Variants in PACRGL observed in about 807,000 individuals in gnomAD.
PACRGL encodes PACRG-like protein.
In PACRGL, 38 loss-of-function variants were observed where a neutral mutation model predicts 34.5. The observed-to-expected ratio is 1.10, with a 90% CI of 0.85 to 1.44. The LOEUF is 1.44. PACRGL is among the 40% of genes most tolerant of loss of function. The pLI is 0.00. For missense variants in PACRGL, 305 were observed against 281.4 expected (o/e 1.08, Z -0.60); for synonymous variants, 128 against 100.1 (o/e 1.28, Z -1.66).
the PACRGL span, among the ~76,000 whole-genome samples, chr4:20,759,935 A>C: frequency 2.0e-5 from 3 of 152,184 alleles, no homozygotes; most frequent in Non-Finnish European, 4.4e-5. Flanking sequence ...ATCCATGCAC[A>C]TTCAAGTCCC....
chr4:20,760,975 T>C, the PACRGL span, among the ~76,000 whole-genome samples: 2 of 152,196 alleles, frequency 1.3e-5, no homozygotes, highest in African/African-American at 2.4e-5. Context: ...ATTTATTACA[T>C]TGATGCAAAA....
chr4:20,744,468 G>C (rs1182466225), intron 8 of PACRGL, among the ~76,000 whole-genome samples: 1 of 151,294 alleles, frequency 6.6e-6, no homozygotes, highest in Non-Finnish European at 1.5e-5. Context: ...TCCTTTGTAG[G>C]GACATGGATG....
the PACRGL span, among the ~76,000 whole-genome samples, chr4:20,766,069 T>G: frequency 6.6e-6 from 1 of 152,212 alleles, no homozygotes; most frequent in South Asian, 2.1e-4. Context: ...CTGATGATAT[T>G]AAGCTAATAC....
chr4:20,710,229 T>C (rs1365244504), intron 5 of PACRGL, among the ~76,000 whole-genome samples: 2 of 152,190 alleles, frequency 1.3e-5, no homozygotes, highest in Non-Finnish European at 2.9e-5. Flanking sequence ...ACTCCAGCTC[T>C]TTGCTTGTAC....
Position 20,731,455 on chromosome 4 carries a change from G to T in PACRGL, c.*4114G>T. The T allele has an allele frequency of 1.0e-6, 1 of 985,208 alleles. No homozygotes were observed. Among genetic ancestry groups the T allele is most frequent in the Non-Finnish European group, 1.2e-6 (1 of 829,784 alleles). 61.0% of individuals were successfully genotyped at this position (985,208 alleles called of 1,614,324 possible). A position where few individuals can be genotyped will look rare whatever the true frequency, so the allele number is the denominator to read the frequency against. On this transcript the variant is annotated 3_prime_UTR_variant, in exon 9 of 9. Transcript: ENST00000503585. Reference sequence around the variant, plus strand: ...GCTAACACTGGTTTCTTTGATAACAGGCTACTACCTGGAGTTCTCTTCAGA... The same window carrying T: ...GCTAACACTGGTTTCTTTGATAACATGCTACTACCTGGAGTTCTCTTCAGA...
At chr4:20,711,079 T>G (rs578189680) in intron 5 of PACRGL, among the ~76,000 whole-genome samples, 1 of 151,730 alleles carries the variant, frequency 6.6e-6, no homozygotes, top group Admixed American at 6.6e-5. Flanking sequence ...TGAGATGCTA[T>G]CTCAAACACA....
At chr4:20,712,050 C>T (rs1422681518) in intron 5 of PACRGL, among the ~76,000 whole-genome samples, 1 of 151,972 alleles carries the variant, frequency 6.6e-6, no homozygotes, top group Middle Eastern at 3.2e-3. Context: ...GACTAATTTG[C>T]TCTGCTTTCA....
rs938464761 is a variant in PACRGL, at chr4:20,721,108, C to T, written c.610-3700C>T. ...AATCACTGATACCCTTTCTTCCACT[C>T]GATTGAGTCGGCTACTGAAGCTTGT... On this transcript the variant is annotated intron_variant, in intron 7 of 8. Coordinates refer to ENST00000503585, the MANE Select transcript of PACRGL (RefSeq NM_001258345.3). 5.9e-5 allele frequency among the ~76,000 whole-genome samples: 9 copies of T among 151,724 alleles called. No individual in the cohort carries two copies. In the East Asian group the frequency reaches 9.6e-4, roughly 16 times the overall value.
At position 20,731,066 on chromosome 4, in the gene PACRGL, A is replaced by T. The variant is rs1416687636; in HGVS notation, c.*3725A>T. ...AACGGATTTCTTTGTTTTCAGGATT[A>T]TTTGAAAAATTCTTTTTTTCTTTTT... On this transcript the variant is annotated 3_prime_UTR_variant, in exon 9 of 9. Coordinates refer to ENST00000503585, the MANE Select transcript of PACRGL (RefSeq NM_001258345.3). Among the ~76,000 whole-genome samples, 1 of 152,160 alleles carries T rather than the reference A, an allele frequency of 6.6e-6. No homozygotes were observed. The highest frequency in any genetic ancestry group is 2.4e-5 in the African/African-American group (1 of 41,442).
In PACRGL at chr4:20,728,658, ATG is replaced by A. The variant is rs1167912547; in HGVS notation, c.*1320_*1321del. ...TTATTTTTTCTTTTTGAAATACAAA[ATG>A]TGCACATTGAGTTTACACAAACACG... On this transcript the variant is annotated 3_prime_UTR_variant, in exon 9 of 9. Coordinates refer to ENST00000503585, the MANE Select transcript of PACRGL (RefSeq NM_001258345.3). 21 of 152,614 alleles carry A rather than the reference ATG, an allele frequency of 1.4e-4. No individual in the cohort carries two copies. The highest frequency in any genetic ancestry group is 5.1e-4 in the African/African-American group (21 of 41,454). The allele number at this position is 152,614 out of a possible 1,614,324, so 9.5% of individuals were successfully genotyped here.
At position 20,721,460 on chromosome 4, in the gene PACRGL, G is replaced by A. The variant is rs1560354639; in HGVS notation, c.610-3348G>A. Among the ~76,000 whole-genome samples, 4 of 151,436 alleles carry A rather than the reference G, an allele frequency of 2.6e-5. No homozygotes were observed. The South Asian group carries it at 8.6e-4, about 32-fold the overall frequency. On this transcript the variant is annotated intron_variant, in intron 7 of 8. Transcript: ENST00000503585. ...TTTTTCCCCATCTTTGTGGTTTTAT[G>A]TACCTTTGGTCTTTGATGATGGTGA...
At chr4:20,718,400 T>C (rs931089331) in intron 7 of PACRGL, among the ~76,000 whole-genome samples, 3 of 152,158 alleles carry the variant, frequency 2.0e-5, no homozygotes, top group African/African-American at 4.8e-5. Flanking sequence ...GGCATCCCTG[T>C]CTTGTGCCAG....
intron 7 of PACRGL, among the ~76,000 whole-genome samples, chr4:20,720,730 C>T (rs1742665064): frequency 6.6e-6 from 1 of 152,150 alleles, no homozygotes; most frequent in Non-Finnish European, 1.5e-5. Flanking sequence ...GTGGGTAACC[C>T]AGCCTTTCCT....
rs1398854127 is a variant in PACRGL at position 20,730,314 on chromosome 4, G to A, written c.*2973G>A. 6.6e-6 allele frequency among the ~76,000 whole-genome samples: 1 copy of A among 152,146 alleles called. No individual in the cohort carries two copies. Among genetic ancestry groups the A allele is most frequent in the African/African-American group, 2.4e-5 (1 of 41,450 alleles). ...ATCCATTTTCCACATAGATGACTAT[G>A]AAGGACCCATTTTATATTTTGTGGA... On this transcript the variant is annotated 3_prime_UTR_variant, in exon 9 of 9. Transcript: ENST00000503585.
rs1184359959 is a variant in PACRGL at position 20,730,906 on chromosome 4, T to C, written c.*3565T>C. Among the ~76,000 whole-genome samples the C allele has an allele frequency of 6.6e-6, 1 of 151,980 alleles. No homozygotes were observed. Among genetic ancestry groups the C allele is most frequent in the Non-Finnish European group, 1.5e-5 (1 of 68,012 alleles). On this transcript the variant is annotated 3_prime_UTR_variant, in exon 9 of 9. Coordinates refer to ENST00000503585, the MANE Select transcript of PACRGL (RefSeq NM_001258345.3). ...TTCCACTGCTAGAAACCAAGTAACA[T>C]CACCGTCAAGCAGCTTAATGTCACC...
intron 1 of PACRGL, among the ~76,000 whole-genome samples, chr4:20,701,230 G>C (rs1345074972): frequency 6.6e-6 from 1 of 152,136 alleles, no homozygotes. Flanking sequence ...AAAGAAATAG[G>C]CTATATCAGC....
intron 3 of PACRGL, among the ~76,000 whole-genome samples, chr4:20,707,556 A>G (rs568436028): frequency 5.3e-5 from 8 of 152,236 alleles, no homozygotes; most frequent in Non-Finnish European, 7.3e-5. Flanking sequence ...AAGAAGGTAG[A>G]AAGAACTATC....
chr4:20,733,943 C>T (rs925281961), downstream of PACRGL, among the ~76,000 whole-genome samples: 10 of 152,092 alleles, frequency 6.6e-5, no homozygotes, highest in African/African-American at 2.4e-4. Flanking sequence ...CCCTGGGCAC[C>T]TTTTGTCTGT....
chr4:20,712,751 T>C, intron 5 of PACRGL, 37 bp from the exon 6 acceptor site: 1 of 1,399,636 alleles, frequency 7.1e-7, no homozygotes. Context: ...CATAATGAAA[T>C]GGGTAGTAAA....
Sources: gnomAD v4.1 joint callset for allele counts (sites outside exome capture counted in the v4.1 genomes callset) on GRCh38, gnomAD v4.1.1 for gene constraint, MANE v1.5 for transcripts, NCBI Gene and HGNC (gene_info 2026-07-23, HGNC 2026-07-21) for gene names.